ESR1: variants seen among roughly 807,000 people sequenced by gnomAD.
ESR1 encodes the protein estrogen receptor 1, also known as estrogen receptor.
In ESR1, 12 loss-of-function variants were observed where a neutral mutation model predicts 52.7. That is an observed-to-expected ratio of 0.23 (90% CI 0.15 to 0.37). The LOEUF (loss-of-function observed/expected upper bound fraction) is 0.37. Among genes scored for constraint, ESR1 ranks in the 10% least tolerant of loss-of-function variants. The pLI, the probability that ESR1 is intolerant of heterozygous loss-of-function variation, is 1.00. For synonymous variants in ESR1, 305 were observed against 316.8 expected, an observed-to-expected ratio of 0.96 and a Z score of 0.39; for missense variants, 584 against 779.7, an observed-to-expected ratio of 0.75 and a Z score of 2.99.
At chr6:151,925,268 G>C (rs2032506057) in intron 3 of ESR1, among the ~76,000 whole-genome samples, 1 of 152,058 alleles carries the variant, frequency 6.6e-6, no homozygotes. Flanking sequence ...CCAACTGTAT[G>C]TATTTTTCAA....
At chr6:151,685,130 T>C (rs1778610388) in intron 1 of ESR1, among the ~76,000 whole-genome samples, 1 of 77,274 alleles carries the variant, frequency 1.3e-5, no homozygotes, top group Non-Finnish European at 3.1e-5. Flanking sequence ...TTTTTTTTTT[T>C]TTTTTTTTTT....
intron 2 of ESR1, among the ~76,000 whole-genome samples, chr6:151,850,928 T>A (rs1433153059): frequency 6.6e-6 from 1 of 152,142 alleles, no homozygotes; most frequent in African/African-American, 2.4e-5. Context: ...ATCTAAGCCG[T>A]TTGCTTATGT....
chr6:151,697,517 A>G (rs562370810), intron 1 of ESR1, among the ~76,000 whole-genome samples: 5 of 152,338 alleles, frequency 3.3e-5, no homozygotes, highest in African/African-American at 1.2e-4. Flanking sequence ...TATGTGTAAA[A>G]TGCTGTTTAC....
chr6:151,994,493 T>G (rs2041303025), intron 4 of ESR1, among the ~76,000 whole-genome samples: 1 of 152,222 alleles, frequency 6.6e-6, no homozygotes, highest in South Asian at 2.1e-4. Context: ...AAAAACTTGC[T>G]GAATTAAATT....
intron 3 of ESR1, among the ~76,000 whole-genome samples, chr6:151,938,553 C>T (rs1335477433): frequency 6.6e-6 from 1 of 152,176 alleles, no homozygotes; most frequent in Non-Finnish European, 1.5e-5. Context: ...GTCGCCTGTA[C>T]TGCCTTTCCA....
intron 3 of ESR1, among the ~76,000 whole-genome samples, chr6:151,906,506 G>C (rs1370637399): frequency 6.6e-6 from 1 of 151,376 alleles, no homozygotes; most frequent in African/African-American, 2.4e-5. Context: ...AAAAATAGTT[G>C]CCTGGGTTTA....
chr6:151,728,471 C>T (rs1001634890), intron 2 of ESR1, among the ~76,000 whole-genome samples: 1 of 152,132 alleles, frequency 6.6e-6, no homozygotes, highest in Non-Finnish European at 1.5e-5. Context: ...TGATCCAAAA[C>T]CTTGAATAAT....
intron 2 of ESR1, among the ~76,000 whole-genome samples, chr6:151,712,089 A>C (rs1322128497): frequency 6.6e-6 from 1 of 152,146 alleles, no homozygotes; most frequent in East Asian, 1.9e-4. Flanking sequence ...ATCACCATTT[A>C]TTAAATAGGG....
At chr6:152,104,456 ATT>A (rs1343561396), downstream of ESR1, among the ~76,000 whole-genome samples, 1 of 152,200 alleles carries the variant, frequency 6.6e-6, no homozygotes, top group Non-Finnish European at 1.5e-5. Context: ...TATCACAATT[ATT>A]GTTGCCCTGT....
At chr6:152,093,463 C>A (rs1398864842) in intron 6 of ESR1, among the ~76,000 whole-genome samples, 1 of 151,814 alleles carries the variant, frequency 6.6e-6, no homozygotes, top group South Asian at 2.1e-4. Context: ...TTCAGAGCCT[C>A]GTATTCTCAT....
intron 2 of ESR1, among the ~76,000 whole-genome samples, chr6:151,741,126 G>C (rs1486201891): frequency 6.6e-6 from 1 of 152,096 alleles, no homozygotes; most frequent in African/African-American, 2.4e-5. Context: ...TCATAGCAAT[G>C]TCCATTTTCT....
Position 152,094,528 on chromosome 6 carries a change from G to A in ESR1, c.1513G>A (p.Ala505Thr). 1 of 1,614,048 alleles carries A rather than the reference G, an allele frequency of 6.2e-7. No homozygotes were observed. Residue 505 changes from alanine (A) to threonine (T), a missense_variant, in exon 7 of 8, where the codon GCC becomes ACC. This residue lies in a region of ESR1 where 141 missense variants were observed against 289.3 expected (regional missense o/e 0.49). Coordinates refer to ENST00000206249, the MANE Select transcript of ESR1 (RefSeq NM_000125.4). The surrounding 1 kb of genome is among the most constrained non-coding windows in gnomAD (Gnocchi z 4.6). ...LTLQQQHQRL[A>T]QLLLILSHIR... is the part of the protein sequence containing the mutation. ...CCTGCAGCAGCAGCACCAGCGGCTG[G>A]CCCAGCTCCTCCTCATCCTCTCCCA... is the stretch of plus-strand genomic sequence containing the variant.
upstream of ESR1, among the ~76,000 whole-genome samples, chr6:151,800,977 C>T (rs1777178161): frequency 6.6e-6 from 1 of 151,582 alleles, no homozygotes. Flanking sequence ...CTCAAATCTC[C>T]TCTGTCTTTT....
chr6:152,046,793 A>G (rs1411434305), intron 5 of ESR1, among the ~76,000 whole-genome samples: 1 of 152,094 alleles, frequency 6.6e-6, no homozygotes, highest in Non-Finnish European at 1.5e-5. Flanking sequence ...GGATAGCATT[A>G]CTCTCCTGAC....
chr6:151,829,218 T>C (rs1395012303), intron 1 of ESR1, among the ~76,000 whole-genome samples: 1 of 152,248 alleles, frequency 6.6e-6, no homozygotes, highest in African/African-American at 2.4e-5. Flanking sequence ...TCATAATAGA[T>C]GAATTATGTT....
chr6:151,764,956 G>A (rs1784934141), intron 2 of ESR1, among the ~76,000 whole-genome samples: 1 of 151,812 alleles, frequency 6.6e-6, no homozygotes, highest in South Asian at 2.1e-4. Context: ...CTGTACAATG[G>A]AAACAGTGCT....
intron 3 of ESR1, among the ~76,000 whole-genome samples, chr6:151,931,423 T>G (rs2033582789): frequency 6.6e-6 from 1 of 152,144 alleles, no homozygotes; most frequent in Non-Finnish European, 1.5e-5. Flanking sequence ...TTATTGTATG[T>G]TGTCTTCTTT....
intron 3 of ESR1, among the ~76,000 whole-genome samples, chr6:151,887,278 G>T (rs1037141082): frequency 6.6e-6 from 1 of 151,722 alleles, no homozygotes; most frequent in Non-Finnish European, 1.5e-5. Flanking sequence ...AAGAGAGACT[G>T]GTTGTTTTAA....
At chr6:151,792,630 G>A (rs1284222673) in intron 2 of ESR1, among the ~76,000 whole-genome samples, 1 of 151,958 alleles carries the variant, frequency 6.6e-6, no homozygotes, top group Non-Finnish European at 1.5e-5. Flanking sequence ...TGTAGCGACT[G>A]GGTTCTGCTA....
Sources: gnomAD v4.1 joint callset for allele counts (sites outside exome capture counted in the v4.1 genomes callset) on GRCh38, gnomAD v4.1.1 for gene constraint, gnomAD v4.1.1 regional missense constraint, Gnocchi (gnomAD v3.1) non-coding constraint, MANE v1.5 for transcripts, NCBI Gene and HGNC (gene_info 2026-07-23, HGNC 2026-07-21) for gene names.